Variants in GRK5 observed in about 807,000 individuals in gnomAD.
The protein encoded by GRK5 is g protein-coupled receptor kinase GRK5.
GRK5 carries 40 observed loss-of-function variants against 78.4 expected under a neutral mutation model. The ratio of observed to expected loss-of-function variants is 0.51; its 90% confidence interval spans 0.40 to 0.66. The LOEUF (loss-of-function observed/expected upper bound fraction) is 0.66, where lower values mean the gene tolerates loss of function less well. GRK5 is among the 30% of genes least tolerant of loss of function. GRK5 has a pLI of 0.00. For missense variants in GRK5, 598 were observed against 759.9 expected, an observed-to-expected ratio of 0.79 and a Z score of 2.50; for synonymous variants, 289 against 296.8, an observed-to-expected ratio of 0.97 and a Z score of 0.27.
chr10:119,422,901 G>C (rs760755127), intron 4 of GRK5, among the ~76,000 whole-genome samples: 5 of 152,248 alleles, frequency 3.3e-5, no homozygotes, highest in Non-Finnish European at 5.9e-5. Flanking sequence ...CAGCCTGTAA[G>C]TGACACAGTC....
chr10:119,362,230 T>G (rs1851376575), intron 2 of GRK5, among the ~76,000 whole-genome samples: 2 of 152,272 alleles, frequency 1.3e-5, no homozygotes, highest in Non-Finnish European at 2.9e-5. Context: ...ATTAAGCTCA[T>G]GCTCACCACC....
chr10:119,411,117 T>A (rs1288424347), intron 4 of GRK5, among the ~76,000 whole-genome samples: 1 of 151,914 alleles, frequency 6.6e-6, no homozygotes, highest in East Asian at 1.9e-4. Context: ...CACCTCCACC[T>A]CTGCTCACAA....
intron 1 of GRK5, among the ~76,000 whole-genome samples, chr10:119,249,362 A>G (rs938231334): frequency 1.3e-5 from 2 of 152,260 alleles, no homozygotes; most frequent in Non-Finnish European, 2.9e-5. Flanking sequence ...AATAAATATC[A>G]TATGTAGAAT....
rs766824009 is a variant in GRK5, at chr10:119,431,504, G to C, written c.715G>C (p.Glu239Gln). ...SMALNEKQIL[E>Q]KVNSQFVVNL... ...GGCCCTCAATGAGAAGCAGATCCTCGAGAAGGTCAACAGTCAGTTTGTGGT... is the reference window on the plus strand; with the variant it reads ...GGCCCTCAATGAGAAGCAGATCCTCCAGAAGGTCAACAGTCAGTTTGTGGT... The change falls in exon 8 of 16, where the codon GAG (glutamate) becomes CAG (glutamine). Residue 239 changes from glutamate to glutamine, a missense_variant. By Grantham distance (29) the Glu-to-Gln change is conservative. Coordinates refer to ENST00000392870, the MANE Select transcript of GRK5 (RefSeq NM_005308.3). The surrounding 1 kb of genome is among the most constrained non-coding windows in gnomAD (Gnocchi z 4.8). The C allele has an allele frequency of 6.2e-7, 1 of 1,613,782 alleles. No individual in the cohort carries two copies. Among genetic ancestry groups the C allele is most frequent in the South Asian group, 1.1e-5 (1 of 91,020 alleles).
intron 4 of GRK5, among the ~76,000 whole-genome samples, chr10:119,415,948 C>T (rs949750836): frequency 2.6e-5 from 4 of 152,198 alleles, no homozygotes; most frequent in Admixed American, 6.5e-5. Context: ...CCTCCTCCGC[C>T]GTCTCACTCC....
rs187902173 is a variant in GRK5, at chr10:119,449,699, G to A, written c.1404+1439G>A. Among the ~76,000 whole-genome samples the A allele has an allele frequency of 9.9e-3, 1,505 of 152,312 alleles. 17 individuals carry two copies. Among genetic ancestry groups the A allele is most frequent in the Non-Finnish European group, 0.017 (1,123 of 68,026 alleles). On this transcript the variant is annotated intron_variant, in intron 13 of 15. Coordinates refer to ENST00000392870, the MANE Select transcript of GRK5 (RefSeq NM_005308.3). The stretch of plus-strand genomic sequence containing the variant: ...AGCTACCTGGGAGGCTGAGGCAGGA[G>A]AATCACTTGAACCCAGGAGGCAGAG...
intron 2 of GRK5, among the ~76,000 whole-genome samples, chr10:119,371,460 T>A (rs1433275029): frequency 6.6e-6 from 1 of 152,272 alleles, no homozygotes; most frequent in Admixed American, 6.5e-5. Context: ...CATTTATTTA[T>A]CTTAACTATC....
chr10:119,295,086 A>G (rs1175624910), intron 1 of GRK5, among the ~76,000 whole-genome samples: 2 of 151,458 alleles, frequency 1.3e-5, no homozygotes, highest in East Asian at 3.9e-4. Context: ...GCTACTCAGG[A>G]GGCTGAGGCA....
At chr10:119,396,015 T>C (rs1216562637) in intron 3 of GRK5, among the ~76,000 whole-genome samples, 3 of 152,242 alleles carry the variant, frequency 2.0e-5, no homozygotes, top group Non-Finnish European at 4.4e-5. Flanking sequence ...CTTTGTAAAC[T>C]GAAAAGCTGG....
At chr10:119,269,573 G>A (rs1849553933) in intron 1 of GRK5, among the ~76,000 whole-genome samples, 1 of 152,062 alleles carries the variant, frequency 6.6e-6, no homozygotes, top group Admixed American at 6.6e-5. Context: ...GTTCACGCCT[G>A]TAATCTTAGC....
At chr10:119,304,427 G>A (rs975565290) in intron 1 of GRK5, among the ~76,000 whole-genome samples, 1 of 151,920 alleles carries the variant, frequency 6.6e-6, no homozygotes, top group African/African-American at 2.4e-5. Flanking sequence ...GAGTAGCTGG[G>A]ATTACAGGCG....
rs925196475 is a variant in GRK5 at position 119,439,660 on chromosome 10, C to T, written c.930-71C>T. ...CTCAGGCCTGATTAGCCCGAGGGGT[C>T]GACCCAGATGCCAGTGTATCCTACC... On this transcript the variant is annotated intron_variant, in intron 9 of 15. Transcript: ENST00000392870. 45 of 1,485,536 alleles carry T rather than the reference C, an allele frequency of 3.0e-5. No individual in the cohort carries two copies. The African/African-American group carries it at 4.4e-4, about 15-fold the overall frequency. The allele number at this position is 1,485,536 out of a possible 1,614,324, so 92.0% of individuals were successfully genotyped here.
intron 4 of GRK5, among the ~76,000 whole-genome samples, chr10:119,405,975 T>A (rs1852232967): frequency 6.6e-6 from 1 of 152,130 alleles, no homozygotes; most frequent in African/African-American, 2.4e-5. Context: ...CTGGAAAAAT[T>A]AAGATTAAAT....
chr10:119,321,145 C>T (rs1055911033), intron 1 of GRK5, among the ~76,000 whole-genome samples: 28 of 152,320 alleles, frequency 1.8e-4, no homozygotes, highest in African/African-American at 6.3e-4. Flanking sequence ...GAAACCTTCT[C>T]CCAGCCCATC....
intron 1 of GRK5, among the ~76,000 whole-genome samples, chr10:119,254,846 G>GGAC (rs1849255045): frequency 6.6e-6 from 1 of 152,046 alleles, no homozygotes; most frequent in African/African-American, 2.4e-5. Context: ...CCTGAGGTCA[G>GGAC]GAGTTCGAGA....
chr10:119,291,701 G>C (rs1278935060), intron 1 of GRK5, among the ~76,000 whole-genome samples: 29 of 85,786 alleles, frequency 3.4e-4, no homozygotes, highest in African/African-American at 4.2e-4. Flanking sequence ...TCCTCTTCCT[G>C]ATCCTCCTCC....
At chr10:119,348,991 T>C (rs1162010815) in intron 2 of GRK5, among the ~76,000 whole-genome samples, 1 of 152,146 alleles carries the variant, frequency 6.6e-6, no homozygotes, top group Non-Finnish European at 1.5e-5. Context: ...TTTTAAGATG[T>C]TGGCAAGAAA....
rs890339676 is a variant in GRK5, at chr10:119,459,639, G to A, written c.*4572G>A. ...TGAAGGCAGCGGCTTCTGTTCTCCC[G>A]CTGCTGTAACTCTGTGTGTTCCGTC... On this transcript the variant is annotated 3_prime_UTR_variant, in exon 16 of 16. Transcript: ENST00000392870. 7 of 152,178 alleles carry A rather than the reference G, an allele frequency of 4.6e-5. No individual in the cohort carries two copies. The highest frequency in any genetic ancestry group is 3.8e-4 in the East Asian group (2 of 5,198). The allele number at this position is 152,178 out of a possible 1,614,324, so 9.4% of individuals were successfully genotyped here. A position where few individuals can be genotyped will look rare whatever the true frequency, so the allele number is the denominator to read the frequency against.
intron 2 of GRK5, among the ~76,000 whole-genome samples, chr10:119,341,634 T>C (rs1304900730): frequency 1.3e-5 from 2 of 152,044 alleles, no homozygotes; most frequent in Admixed American, 1.3e-4. Flanking sequence ...CACCTTTGTC[T>C]TCTGTTTGGC....
Sources: allele counts gnomAD v4.1 joint callset (sites outside exome capture counted in the v4.1 genomes callset), GRCh38; gene constraint gnomAD v4.1.1; non-coding constraint Gnocchi (gnomAD v3.1); transcripts MANE v1.5; gene names NCBI Gene and HGNC (gene_info 2026-07-23, HGNC 2026-07-21).